Variants in NRIP1 observed in about 807,000 individuals in gnomAD.
The protein encoded by NRIP1 is nuclear receptor interacting protein 1.
NRIP1 carries 28 observed loss-of-function variants against 75.0 expected under a neutral mutation model. The observed-to-expected ratio is 0.37, with a 90% CI of 0.28 to 0.51. The LOEUF is 0.51. Among genes scored for constraint, NRIP1 ranks in the 20% least tolerant of loss-of-function variants. The pLI, the probability that NRIP1 is intolerant of heterozygous loss-of-function variation, is 0.92. For synonymous variants in NRIP1, 526 were observed against 487.6 expected, an observed-to-expected ratio of 1.08 and a Z score of -1.04; for missense variants, 1,435 against 1,343.7, an observed-to-expected ratio of 1.07 and a Z score of -1.06.
At chr21:15,040,134 G>A (rs919916810) in intron 2 of NRIP1, among the ~76,000 whole-genome samples, 2 of 152,050 alleles carry the variant, frequency 1.3e-5, no homozygotes, top group Non-Finnish European at 2.9e-5. Flanking sequence ...CTTGAAAGAT[G>A]ACTAGTCAGA....
intron 1 of NRIP1, among the ~76,000 whole-genome samples, chr21:15,045,536 G>A (rs1014337536): frequency 1.2e-4 from 19 of 152,168 alleles, no homozygotes; most frequent in African/African-American, 1.7e-4. Flanking sequence ...TTCAGTGGTG[G>A]GCACCTTGCC....
At chr21:14,977,258 T>G (rs2087098254) in intron 3 of NRIP1, among the ~76,000 whole-genome samples, 1 of 152,150 alleles carries the variant, frequency 6.6e-6, no homozygotes, top group Admixed American at 6.5e-5. Flanking sequence ...AAGTCCTAAT[T>G]ATTGACTCTT....
At chr21:15,057,158 G>T (rs1255827294) in intron 1 of NRIP1, among the ~76,000 whole-genome samples, 1 of 146,344 alleles carries the variant, frequency 6.8e-6, no homozygotes, top group Non-Finnish European at 1.5e-5. Context: ...TGTGAGTGAA[G>T]ATAGGGTAAT....
chr21:14,988,517 GTATATA>G (rs142771734), intron 3 of NRIP1, among the ~76,000 whole-genome samples: 1 of 142,380 alleles, frequency 7.0e-6, no homozygotes, highest in Non-Finnish European at 1.6e-5. Flanking sequence ...GTGTGTGTGT[GTATATA>G]TATATATATA....
chr21:15,018,923 T>G (rs1421414556), intron 2 of NRIP1, among the ~76,000 whole-genome samples: 1 of 152,020 alleles, frequency 6.6e-6, no homozygotes, highest in East Asian at 1.9e-4. Flanking sequence ...GAGAAAAAAT[T>G]CCACCTTCCA....
intron 2 of NRIP1, among the ~76,000 whole-genome samples, chr21:15,031,218 T>C (rs903298105): frequency 1.4e-5 from 2 of 146,310 alleles, no homozygotes; most frequent in Non-Finnish European, 3.0e-5. Flanking sequence ...TCCCTTTCTA[T>C]GTGTATACAC....
chr21:14,987,331 A>C (rs2087433267), intron 3 of NRIP1, among the ~76,000 whole-genome samples: 1 of 152,200 alleles, frequency 6.6e-6, no homozygotes, highest in Non-Finnish European at 1.5e-5. Context: ...CGTAACTCCA[A>C]CAGTATGAAA....
intron 2 of NRIP1, among the ~76,000 whole-genome samples, chr21:15,042,380 T>C (rs1477860940): frequency 6.6e-6 from 1 of 152,222 alleles, no homozygotes; most frequent in Non-Finnish European, 1.5e-5. Context: ...TTAAGAAGGA[T>C]GCCTTGGATA....
At position 14,965,467 on chromosome 21, in the gene NRIP1, A is replaced by G; in HGVS notation, c.2726T>C (p.Phe909Ser). The change falls in exon 4 of 4, where the codon TTT becomes TCT. Residue 909 changes from phenylalanine to serine, a missense_variant. Physicochemically the swap from Phe to Ser is radical, Grantham distance 155 (BLOSUM62 -2). Coordinates refer to ENST00000318948, the MANE Select transcript of NRIP1 (RefSeq NM_003489.4). ...ELKFSRNDLE[F>S]KYPAGHGSAS... ...TGAGCCATGACCAGCAGGATATTTAAATTCAAGATCATTTCTGCTAAATTT... is the reference window on the plus strand; with the variant it reads ...TGAGCCATGACCAGCAGGATATTTAGATTCAAGATCATTTCTGCTAAATTT... The G allele has an allele frequency of 6.2e-7, 1 of 1,613,918 alleles. No individual in the cohort carries two copies. Among genetic ancestry groups the G allele is most frequent in the Non-Finnish European group, 8.5e-7 (1 of 1,179,922 alleles).
At chr21:15,059,693 C>A (rs1413092926) in intron 1 of NRIP1, among the ~76,000 whole-genome samples, 7 of 152,100 alleles carry the variant, frequency 4.6e-5, no homozygotes, top group Non-Finnish European at 7.4e-5. Flanking sequence ...TTATTTGCCC[C>A]ATTATCTTCA....
chr21:15,065,136 C>T (rs1038829824), upstream of NRIP1: 3 of 152,560 alleles, frequency 2.0e-5, no homozygotes, highest in Non-Finnish European at 4.4e-5. Flanking sequence ...TTTCTTAACC[C>T]TTTTCTCCCC....
intron 1 of NRIP1, among the ~76,000 whole-genome samples, chr21:15,063,900 A>C (rs746901164): frequency 6.6e-6 from 1 of 152,220 alleles, no homozygotes; most frequent in Non-Finnish European, 1.5e-5. Flanking sequence ...AGAGATCAAC[A>C]TGTGTCACAG....
At chr21:15,045,059 TTC>T (rs2089039771) in intron 1 of NRIP1, among the ~76,000 whole-genome samples, 1 of 152,170 alleles carries the variant, frequency 6.6e-6, no homozygotes, top group African/African-American at 2.4e-5. Flanking sequence ...CACATGCACA[TTC>T]TCTCTCTCAT....
intron 3 of NRIP1, among the ~76,000 whole-genome samples, chr21:14,998,285 C>T (rs113199187): frequency 2.6e-5 from 4 of 152,238 alleles, no homozygotes; most frequent in South Asian, 2.1e-4. Context: ...TGACATGTAC[C>T]GCTGGGACCT....
At chr21:15,017,321 T>C (rs1353988255) in intron 2 of NRIP1, among the ~76,000 whole-genome samples, 1 of 152,122 alleles carries the variant, frequency 6.6e-6, no homozygotes, top group African/African-American at 2.4e-5. Flanking sequence ...ACCTCCCAAG[T>C]AGCTGGAACT....
intron 2 of NRIP1, among the ~76,000 whole-genome samples, chr21:15,024,567 AGTGTGTGT>A (rs60376904): frequency 2.0e-4 from 29 of 145,666 alleles, no homozygotes; most frequent in African/African-American, 6.6e-4. Flanking sequence ...TGGTATCCAG[AGTGTGTGT>A]GTGTGTGTGT....
chr21:15,033,048 AC>A (rs2088746329), intron 2 of NRIP1, among the ~76,000 whole-genome samples: 1 of 151,886 alleles, frequency 6.6e-6, no homozygotes, highest in Non-Finnish European at 1.5e-5. Context: ...ACATGGTGAA[AC>A]CCTGTTTCTA....
intron 3 of NRIP1, among the ~76,000 whole-genome samples, chr21:15,003,362 T>C (rs146681825): frequency 3.9e-4 from 59 of 152,300 alleles, no homozygotes; most frequent in African/African-American, 1.3e-3. Flanking sequence ...AATACATGTG[T>C]CTCATTTTGC....
At chr21:14,979,902 T>A (rs1406571322) in intron 3 of NRIP1, among the ~76,000 whole-genome samples, 1 of 152,160 alleles carries the variant, frequency 6.6e-6, no homozygotes, top group Non-Finnish European at 1.5e-5. Flanking sequence ...ATCATTGCCA[T>A]GTGACAATTT....
Sources: gnomAD v4.1 joint callset for allele counts (sites outside exome capture counted in the v4.1 genomes callset) on GRCh38, gnomAD v4.1.1 for gene constraint, MANE v1.5 for transcripts, NCBI Gene and HGNC (gene_info 2026-07-23, HGNC 2026-07-21) for gene names.